The following PCDHGB1 variants were observed in gnomAD, a reference collection of about 807,000 sequenced individuals.
The protein encoded by PCDHGB1 is protocadherin gamma subfamily B, 1, also known as protocadherin gamma-B1.
A neutral mutation model predicts 56.6 loss-of-function variants in PCDHGB1; 34 were observed. The ratio of observed to expected loss-of-function variants is 0.60; its 90% confidence interval spans 0.46 to 0.80. The LOEUF (loss-of-function observed/expected upper bound fraction) is 0.80. PCDHGB1 is among the 30% of genes least tolerant of loss of function. The pLI, the probability that PCDHGB1 is intolerant of heterozygous loss-of-function variation, is 0.00. For missense variants in PCDHGB1, 1,278 were observed against 1,204.6 expected (o/e 1.06, Z -0.90); for synonymous variants, 561 against 505.9 (o/e 1.11, Z -1.46).
chr5:141,432,642 C>T lies in PCDHGB1; in HGVS notation c.2410-62165C>T, dbSNP rs746251093. 7.4e-6 allele frequency: 12 copies of T among 1,613,784 alleles called. No individual in the cohort carries two copies. The highest frequency in any genetic ancestry group is 2.7e-5 in the African/African-American group (2 of 75,056). ...GGTCTGCACACGGGCGAGGTGCGCA[C>T]GGCGCGAGCCCTGCTGGACAGAGAC... On this transcript the variant is annotated intron_variant, in intron 1 of 3. Coordinates refer to ENST00000523390, the MANE Select transcript of PCDHGB1 (RefSeq NM_018922.3). This position sits in a 1 kb window ranked among gnomAD's most constrained non-coding sequence, Gnocchi z 6.0.
chr5:141,366,488 C>T, intron 1 of PCDHGB1: 5 of 1,614,264 alleles, frequency 3.1e-6, no homozygotes, highest in Non-Finnish European at 4.2e-6. Flanking sequence ...GAGGCGCTGG[C>T]ACAAGTCACG....
intron 1 of PCDHGB1, among the ~76,000 whole-genome samples, chr5:141,362,928 G>A (rs1457664363): frequency 6.6e-6 from 1 of 152,184 alleles, no homozygotes; most frequent in Non-Finnish European, 1.5e-5. Context: ...AGTAAAGAGA[G>A]TCTTCATTTT....
Position 141,476,489 on chromosome 5 carries a change from A to G in PCDHGB1, c.2410-18318A>G. ...GGAGCTGTTCAGCGTGGAAGTGGTGATCCAGGACATCAACGACAACAATCC... is the reference window on the plus strand; with the variant it reads ...GGAGCTGTTCAGCGTGGAAGTGGTGGTCCAGGACATCAACGACAACAATCC... On this transcript the variant is annotated intron_variant, in intron 1 of 3. Coordinates refer to ENST00000523390, the MANE Select transcript of PCDHGB1 (RefSeq NM_018922.3). The surrounding 1 kb of genome is among the most constrained non-coding windows in gnomAD (Gnocchi z 7.6). The G allele has an allele frequency of 6.2e-7, 1 of 1,613,928 alleles. No individual in the cohort carries two copies. Among genetic ancestry groups the G allele is most frequent in the Non-Finnish European group, 8.5e-7 (1 of 1,179,976 alleles).
At chr5:141,503,023 A>T (rs1163676028) in intron 2 of PCDHGB1, among the ~76,000 whole-genome samples, 1 of 141,884 alleles carries the variant, frequency 7.0e-6, no homozygotes, top group African/African-American at 2.6e-5. Context: ...TTTTTTTTTT[A>T]ATATCTATTT....
chr5:141,361,982 T>G (rs756919510), intron 1 of PCDHGB1: 7 of 1,601,420 alleles, frequency 4.4e-6, no homozygotes, highest in Non-Finnish European at 6.0e-6. Context: ...GAGCCCGGGC[T>G]CTTCAGCCTG....
chr5:141,383,364 C>G lies in PCDHGB1; in HGVS notation c.2409+30695C>G, dbSNP rs1345393790. Reference sequence around the variant, plus strand: ...CTCCTGGGGTTCGGTTTCCGTTAAGCGAGGCTGGGGATCCAGATGTGGGCA... The same window carrying G: ...CTCCTGGGGTTCGGTTTCCGTTAAGGGAGGCTGGGGATCCAGATGTGGGCA... On this transcript the variant is annotated intron_variant, in intron 1 of 3. Transcript: ENST00000523390. The G allele has an allele frequency of 2.5e-6, 4 of 1,613,946 alleles. No homozygotes were observed. The South Asian group carries it at 4.4e-5, about 18-fold the overall frequency.
intron 1 of PCDHGB1, among the ~76,000 whole-genome samples, chr5:141,482,526 C>T (rs1198022164): frequency 1.5e-5 from 1 of 68,582 alleles, no homozygotes; most frequent in African/African-American, 9.7e-5. Flanking sequence ...ATGAGACAGA[C>T]ATGCAAAAAA....
At position 141,431,994 on chromosome 5, in the gene PCDHGB1, G is replaced by C; in HGVS notation, c.2410-62813G>C. ...TTAGTCACAGACATAGTCTTGGATA[G>C]GGAACAGGTTCCTAGCTACAACATC... is the stretch of plus-strand genomic sequence containing the variant. On this transcript the variant is annotated intron_variant, in intron 1 of 3. Coordinates refer to ENST00000523390, the MANE Select transcript of PCDHGB1 (RefSeq NM_018922.3). The surrounding 1 kb of genome is among the most constrained non-coding windows in gnomAD (Gnocchi z 4.8). 1.9e-6 allele frequency: 3 copies of C among 1,614,188 alleles called. 1 individual carries two copies. The highest frequency in any genetic ancestry group is 2.2e-5 in the South Asian group (2 of 91,082).
At chr5:141,387,967 C>A in intron 1 of PCDHGB1, 1 of 1,489,224 alleles carries the variant, frequency 6.7e-7, no homozygotes, top group Non-Finnish European at 9.0e-7. Context: ...TTCTGCCCGG[C>A]GCTCTGTGAG....
chr5:141,405,346 G>C (rs184640789), intron 1 of PCDHGB1: 4 of 1,614,108 alleles, frequency 2.5e-6, no homozygotes, highest in Non-Finnish European at 3.4e-6. Context: ...TTGATTCCAA[G>C]TTTCCTATAG....
chr5:141,352,469 CCCAACCACAGCGAGGGGACTTTG>C lies in PCDHGB1; in HGVS notation c.2212_2234del (p.Asn738LeufsTer17), dbSNP rs1561503439. ...CTCCAAGTCTGGGCCCGGGGTTCCTCCCAACCACAGCGAGGGGACTTTGCCCTATTCCTACAATCTATGTATTG... is the reference window on the plus strand; with the variant it reads ...CTCCAAGTCTGGGCCCGGGGTTCCTCCCCTATTCCTACAATCTATGTATTG... On this transcript the variant is annotated frameshift_variant, in exon 1 of 4. Transcript: ENST00000523390. LOFTEE classifies it high-confidence loss of function. The C allele has an allele frequency of 6.2e-7, 1 of 1,614,014 alleles. No individual in the cohort carries two copies. The highest frequency in any genetic ancestry group is 1.1e-5 in the South Asian group (1 of 91,090).
At chr5:141,467,059 T>C (rs1157689140) in intron 1 of PCDHGB1, among the ~76,000 whole-genome samples, 2 of 151,064 alleles carry the variant, frequency 1.3e-5, no homozygotes, top group African/African-American at 2.4e-5. Context: ...TGTTTTCTTT[T>C]TTTTTTTTTT....
chr5:141,468,374 C>T (rs1340499708), intron 1 of PCDHGB1: 2 of 150,736 alleles, frequency 1.3e-5, no homozygotes, highest in Non-Finnish European at 3.0e-5. Context: ...ATAACTCAGC[C>T]ATACAAGGCT....
chr5:141,448,426 T>C (rs892222815), intron 1 of PCDHGB1, among the ~76,000 whole-genome samples: 1 of 152,164 alleles, frequency 6.6e-6, no homozygotes, highest in Non-Finnish European at 1.5e-5. Context: ...ATACTATGTA[T>C]ATATTGAGAA....
intron 1 of PCDHGB1, chr5:141,364,604 C>A (rs370007558): frequency 1.9e-6 from 3 of 1,614,162 alleles, no homozygotes; most frequent in Non-Finnish European, 2.5e-6. Context: ...CAGGATAGAC[C>A]GGGAGGAGCT....
intron 1 of PCDHGB1, chr5:141,419,306 C>A: frequency 1.9e-6 from 3 of 1,614,032 alleles, no homozygotes; most frequent in Non-Finnish European, 2.5e-6. Context: ...AGACTTCGGG[C>A]TCAACGGCCG....
intron 1 of PCDHGB1, chr5:141,404,954 A>C: frequency 6.2e-7 from 1 of 1,613,952 alleles, no homozygotes; most frequent in Non-Finnish European, 8.5e-7. Flanking sequence ...AGCTGACAGC[A>C]TCCCAGACAT....
chr5:141,432,717 C>T lies in PCDHGB1; in HGVS notation c.2410-62090C>T. On this transcript the variant is annotated intron_variant, in intron 1 of 3. Transcript: ENST00000523390. The surrounding 1 kb of genome is among the most constrained non-coding windows in gnomAD (Gnocchi z 6.0). ...GCCGTCCAGGACCACGGCCAGCCCC[C>T]TCTCTCCGCCACTGTCACGCTCACC... 1 of 1,614,030 alleles carries T rather than the reference C, an allele frequency of 6.2e-7. No individual in the cohort carries two copies. Among genetic ancestry groups the T allele is most frequent in the Non-Finnish European group, 8.5e-7 (1 of 1,179,978 alleles).
intron 1 of PCDHGB1, chr5:141,408,865 A>G (rs765751172): frequency 6.2e-7 from 1 of 1,613,684 alleles, no homozygotes. Context: ...GGGACCCACC[A>G]AGAAGTGCCA....
Sources: allele counts gnomAD v4.1 joint callset (sites outside exome capture counted in the v4.1 genomes callset), GRCh38; gene constraint gnomAD v4.1.1; non-coding constraint Gnocchi (gnomAD v3.1); transcripts MANE v1.5; gene names NCBI Gene and HGNC (gene_info 2026-07-23, HGNC 2026-07-21).